DNAAF4: variants seen among roughly 807,000 people sequenced by gnomAD.
The protein encoded by DNAAF4 is dynein axonemal assembly factor 4.
Under a neutral mutation model 51.8 loss-of-function variants are expected in DNAAF4, and 43 were observed. The ratio of observed to expected loss-of-function variants is 0.83; its 90% confidence interval spans 0.65 to 1.07. The LOEUF is 1.07. Among genes scored for constraint, DNAAF4 ranks in the 50% least tolerant of loss-of-function variants. The probability of loss-of-function intolerance (pLI) is 0.00; values close to 1 mark genes in which losing one functional copy is unlikely to be tolerated. For missense variants in DNAAF4, 581 were observed against 493.0 expected, an observed-to-expected ratio of 1.18 and a Z score of -1.69; for synonymous variants, 194 against 165.6, an observed-to-expected ratio of 1.17 and a Z score of -1.32.
At chr15:55,470,344 G>A (rs938816059) in intron 4 of DNAAF4, among the ~76,000 whole-genome samples, 14 of 151,936 alleles carry the variant, frequency 9.2e-5, no homozygotes, top group East Asian at 3.9e-4. Context: ...GAGCCACCGC[G>A]CCCAGCCATA....
intron 4 of DNAAF4, among the ~76,000 whole-genome samples, chr15:55,489,977 G>C (rs928548480): frequency 6.6e-6 from 1 of 151,248 alleles, no homozygotes; most frequent in African/African-American, 2.4e-5. Flanking sequence ...GGGTTCAAGC[G>C]ATTTTCCTGC....
At chr15:55,430,803 T>C (rs986458986) in intron 9 of DNAAF4, 24 bp from the exon 10 acceptor site, 1 of 1,529,516 alleles carries the variant, frequency 6.5e-7, no homozygotes, top group African/African-American at 1.4e-5. Context: ...GCAATGATGA[T>C]TAATACAATA....
chr15:55,443,653 A>G (rs920722860), intron 6 of DNAAF4, among the ~76,000 whole-genome samples: 1 of 152,232 alleles, frequency 6.6e-6, no homozygotes, highest in Non-Finnish European at 1.5e-5. Flanking sequence ...ACTAGTTTAC[A>G]GTCCCACCAA....
intron 5 of DNAAF4, among the ~76,000 whole-genome samples, chr15:55,464,144 C>G (rs899734391): frequency 6.6e-6 from 1 of 152,032 alleles, no homozygotes; most frequent in Non-Finnish European, 1.5e-5. Context: ...AGAACCCAGA[C>G]ATAAAGTCAA....
intron 1 of DNAAF4, among the ~76,000 whole-genome samples, chr15:55,506,455 C>G (rs1457716144): frequency 2.6e-5 from 4 of 152,158 alleles, no homozygotes; most frequent in Non-Finnish European, 5.9e-5. Context: ...TTAGGCTGCT[C>G]TGTGCATTTT....
Position 55,471,906 on chromosome 15 carries a change from C to G in DNAAF4, c.406-4745G>C, listed in dbSNP as rs1324698421. On this transcript the variant is annotated intron_variant, in intron 4 of 9. Coordinates refer to ENST00000321149, the MANE Select transcript of DNAAF4 (RefSeq NM_130810.4). ...CCAGGCTGGAGTGCAGTAGCACGAT[C>G]TTCGCTCACTGCAACCTCCGCCTCT... Among the ~76,000 whole-genome samples the G allele has an allele frequency of 2.0e-5, 3 of 152,302 alleles. No individual in the cohort carries two copies. In the East Asian group the frequency reaches 5.8e-4, roughly 29 times the overall value.
At chr15:55,502,772 C>T (rs1000218048) in intron 1 of DNAAF4, among the ~76,000 whole-genome samples, 5 of 152,160 alleles carry the variant, frequency 3.3e-5, no homozygotes, top group Non-Finnish European at 5.9e-5. Flanking sequence ...ACATTTAAAG[C>T]AGTGTGTAGA....
downstream of DNAAF4, among the ~76,000 whole-genome samples, chr15:55,428,955 G>C (rs1027298768): frequency 9.2e-5 from 14 of 151,452 alleles, no homozygotes; most frequent in African/African-American, 3.1e-4. Flanking sequence ...GGCGCGGGGG[G>C]TCTTGCCTAT....
At position 55,498,340 on chromosome 15, in the gene DNAAF4, A is replaced by T; in HGVS notation, c.-11T>A. The T allele has an allele frequency of 6.3e-7, 1 of 1,596,512 alleles. No individual in the cohort carries two copies. Among genetic ancestry groups the T allele is most frequent in the Non-Finnish European group, 8.5e-7 (1 of 1,169,602 alleles). ...AACCTGAAGAGGCATTCCGGTAGCA[A>T]CGGGAGCGGATAGCGCGGCTGGTTG... is the stretch of plus-strand genomic sequence containing the variant. On this transcript the variant is annotated 5_prime_UTR_variant, in exon 2 of 10. It adds an upstream start codon to the 5' untranslated region. Transcript: ENST00000321149.
At chr15:55,452,191 T>A (rs1232355709) in intron 5 of DNAAF4, among the ~76,000 whole-genome samples, 2 of 124,502 alleles carry the variant, frequency 1.6e-5, no homozygotes, top group African/African-American at 3.2e-5. Flanking sequence ...GAGGCTGCAG[T>A]GAGCCAAGAT....
rs550012663 is a variant in DNAAF4, at chr15:55,489,153, G to A, written c.405+1970C>T. Among the ~76,000 whole-genome samples the A allele has an allele frequency of 6.6e-5, 10 of 151,568 alleles. No homozygotes were observed. In the East Asian group the frequency reaches 1.9e-3, roughly 29 times the overall value. ...TAGTGGTGCTTCCTGCTGGTCAACT[G>A]TTCTGTTTTGACATACCAATACAGC... On this transcript the variant is annotated intron_variant, in intron 4 of 9. Coordinates refer to ENST00000321149, the MANE Select transcript of DNAAF4 (RefSeq NM_130810.4).
At chr15:55,433,977 AT>A (rs796739609) in intron 8 of DNAAF4, among the ~76,000 whole-genome samples, 8 of 25,456 alleles carry the variant, frequency 3.1e-4, no homozygotes, top group South Asian at 1.2e-3. Flanking sequence ...TATTTTATAT[AT>A]TATATATAAT....
chr15:55,493,304 T>C (rs1005225978), intron 3 of DNAAF4, among the ~76,000 whole-genome samples: 1 of 152,234 alleles, frequency 6.6e-6, no homozygotes, highest in Non-Finnish European at 1.5e-5. Flanking sequence ...CTACTATTAT[T>C]TGTTGCCTAT....
chr15:55,499,777 C>CT (rs2058684185), intron 1 of DNAAF4, among the ~76,000 whole-genome samples: 1 of 152,186 alleles, frequency 6.6e-6, no homozygotes, highest in South Asian at 2.1e-4. Flanking sequence ...AGAATCTGAA[C>CT]TTAAGTGCTG....
intron 4 of DNAAF4, among the ~76,000 whole-genome samples, chr15:55,472,961 T>A (rs1430905858): frequency 1.3e-5 from 2 of 151,296 alleles, no homozygotes; most frequent in African/African-American, 4.9e-5. Context: ...AAGTCAGGAG[T>A]TAGAGACCAG....
chr15:55,497,729 G>C lies in DNAAF4; in HGVS notation c.254C>G (p.Thr85Ser). The C allele has an allele frequency of 6.2e-7, 1 of 1,611,498 alleles. No individual in the cohort carries two copies. The highest frequency in any genetic ancestry group is 1.1e-5 in the South Asian group (1 of 90,302). ...LYKKEAAMWE[T>S]LSVTGVDKEM... Reference sequence around the variant, plus strand: ...GAACTTACCACCCGTCACAGAAAGGGTCTCCCACATGGCCGCTTCTTTTTT... The same window carrying C: ...GAACTTACCACCCGTCACAGAAAGGCTCTCCCACATGGCCGCTTCTTTTTT... Residue 85 changes from threonine to serine, a missense_variant, in exon 3 of 10, where the codon ACC becomes AGC. Transcript: ENST00000321149.
At chr15:55,484,668 T>A (rs1010563355) in intron 4 of DNAAF4, among the ~76,000 whole-genome samples, 1 of 151,064 alleles carries the variant, frequency 6.6e-6, no homozygotes. Flanking sequence ...TAAAGGGGAG[T>A]TTATTAAGTA....
At position 55,473,198 on chromosome 15, in the gene DNAAF4, A is replaced by AAAAAAAAATAT. The variant is rs1209754897; in HGVS notation, c.406-6038_406-6037insATATTTTTTTT. On this transcript the variant is annotated intron_variant, in intron 4 of 9. Coordinates refer to ENST00000321149, the MANE Select transcript of DNAAF4 (RefSeq NM_130810.4). ...ACAAAAAAAAAACCTAAAAAAAAAA[A>AAAAAAAAATAT]ATATATATATATATATATATATATG... Among the ~76,000 whole-genome samples the AAAAAAAAATAT allele has an allele frequency of 5.3e-5, 4 of 75,744 alleles. 1 individual carries two copies. In the East Asian group the frequency reaches 1.2e-3, roughly 23 times the overall value. 49.7% of individuals were successfully genotyped at this position (75,744 alleles called of 152,430 possible). A position where few individuals can be genotyped will look rare whatever the true frequency, so the allele number is the denominator to read the frequency against.
intron 3 of DNAAF4, among the ~76,000 whole-genome samples, chr15:55,491,796 TATATATA>T (rs2058578772): frequency 7.0e-6 from 1 of 143,042 alleles, no homozygotes; most frequent in Non-Finnish European, 1.5e-5. Flanking sequence ...TATATATATT[TATATATA>T]ATATTTTATA....
Sources: allele counts gnomAD v4.1 joint callset (sites outside exome capture counted in the v4.1 genomes callset), GRCh38; gene constraint gnomAD v4.1.1; transcripts MANE v1.5; gene names NCBI Gene and HGNC (gene_info 2026-07-23, HGNC 2026-07-21).